GABRB1: variants seen among roughly 807,000 people sequenced by gnomAD.
GABRB1 encodes the protein gamma-aminobutyric acid receptor subunit beta-1.
GABRB1 carries 17 observed loss-of-function variants against 51.6 expected under a neutral mutation model. The observed-to-expected ratio is 0.33, with a 90% CI of 0.23 to 0.49. The LOEUF is 0.49. Among genes scored for constraint, GABRB1 ranks in the 20% least tolerant of loss-of-function variants. The probability of loss-of-function intolerance (pLI) is 0.99; values close to 1 mark genes in which losing one functional copy is unlikely to be tolerated. For synonymous variants in GABRB1, 247 were observed against 218.9 expected, an observed-to-expected ratio of 1.13 and a Z score of -1.14; for missense variants, 410 against 600.6, an observed-to-expected ratio of 0.68 and a Z score of 3.32.
At chr4:47,414,632 T>G (rs189925950) in intron 8 of GABRB1, among the ~76,000 whole-genome samples, 13 of 152,318 alleles carry the variant, frequency 8.5e-5, no homozygotes, top group African/African-American at 3.1e-4. Flanking sequence ...AAATATGCAG[T>G]TGTATCCCCA....
At chr4:47,128,402 T>C (rs1716260745) in intron 3 of GABRB1, among the ~76,000 whole-genome samples, 2 of 151,786 alleles carry the variant, frequency 1.3e-5, no homozygotes, top group African/African-American at 4.8e-5. Context: ...ATCCATGAAT[T>C]AGAAAAACCT....
intron 4 of GABRB1, among the ~76,000 whole-genome samples, chr4:47,240,928 T>C (rs147363887): frequency 9.9e-5 from 15 of 152,166 alleles, no homozygotes; most frequent in African/African-American, 3.4e-4. Flanking sequence ...CCAATCCCTA[T>C]ATAATGGAAA....
chr4:47,083,653 C>T (rs918027539), intron 3 of GABRB1, among the ~76,000 whole-genome samples: 5 of 152,252 alleles, frequency 3.3e-5, no homozygotes, highest in Admixed American at 2.0e-4. Flanking sequence ...AAGCATCCAT[C>T]CCCATTCCAA....
chr4:47,235,044 C>G (rs937562053), intron 4 of GABRB1, among the ~76,000 whole-genome samples: 8 of 152,148 alleles, frequency 5.3e-5, no homozygotes, highest in Non-Finnish European at 1.5e-5. Context: ...ATATTTCGGC[C>G]TTTAAAATGC....
At chr4:47,021,151 C>A (rs1724919104) in intron 1 of GABRB1, among the ~76,000 whole-genome samples, 3 of 152,136 alleles carry the variant, frequency 2.0e-5, no homozygotes, top group Admixed American at 2.0e-4. Flanking sequence ...TTTAATTTTT[C>A]TCTCCTATCA....
intron 5 of GABRB1, among the ~76,000 whole-genome samples, chr4:47,327,553 T>C (rs556672564): frequency 6.6e-6 from 1 of 152,282 alleles, no homozygotes; most frequent in South Asian, 2.1e-4. Flanking sequence ...TATGACCAAG[T>C]TTTCAGACAA....
intron 3 of GABRB1, among the ~76,000 whole-genome samples, chr4:47,089,603 T>A (rs1728215860): frequency 6.6e-6 from 1 of 152,132 alleles, no homozygotes; most frequent in Admixed American, 6.6e-5. Flanking sequence ...CTGAAGCACA[T>A]CATATTTTCC....
At chr4:47,302,223 C>T (rs1724287712) in intron 4 of GABRB1, among the ~76,000 whole-genome samples, 1 of 152,000 alleles carries the variant, frequency 6.6e-6, no homozygotes, top group Admixed American at 6.6e-5. Flanking sequence ...ATGTAAAGTG[C>T]TTAGTACCGT....
intron 4 of GABRB1, among the ~76,000 whole-genome samples, chr4:47,238,684 A>C (rs1560291751): frequency 6.6e-6 from 1 of 152,186 alleles, no homozygotes; most frequent in Non-Finnish European, 1.5e-5. Context: ...TGTATGAAAA[A>C]TTTGAAATAT....
intron 4 of GABRB1, among the ~76,000 whole-genome samples, chr4:47,260,182 G>A (rs2109876517): frequency 6.6e-6 from 1 of 152,130 alleles, no homozygotes; most frequent in South Asian, 2.1e-4. Flanking sequence ...TTCCTTGGTA[G>A]ATCTTCCTCC....
chr4:47,349,447 A>G (rs1233873189), intron 5 of GABRB1, among the ~76,000 whole-genome samples: 1 of 152,224 alleles, frequency 6.6e-6, no homozygotes, highest in Non-Finnish European at 1.5e-5. Flanking sequence ...CTGCAATTTC[A>G]GTTACCCAGG....
intron 3 of GABRB1, among the ~76,000 whole-genome samples, chr4:47,156,632 A>G (rs952470916): frequency 6.6e-6 from 1 of 151,694 alleles, no homozygotes; most frequent in African/African-American, 2.4e-5. Context: ...ATTTTCTTAT[A>G]CTATACCTTT....
intron 4 of GABRB1, among the ~76,000 whole-genome samples, chr4:47,271,166 C>G (rs1163044614): frequency 6.6e-6 from 1 of 152,094 alleles, no homozygotes; most frequent in Admixed American, 6.6e-5. Flanking sequence ...TTTATTATCT[C>G]ACAGCCCTGA....
chr4:47,214,767 A>C (rs909639771), intron 4 of GABRB1, among the ~76,000 whole-genome samples: 1 of 152,132 alleles, frequency 6.6e-6, no homozygotes, highest in Non-Finnish European at 1.5e-5. Context: ...TTTTGTTTCT[A>C]AAGCCATAAG....
At chr4:47,244,554 T>C (rs529187324) in intron 4 of GABRB1, among the ~76,000 whole-genome samples, 1 of 152,320 alleles carries the variant, frequency 6.6e-6, no homozygotes, top group East Asian at 1.9e-4. Flanking sequence ...ATTGCCTCAA[T>C]TTCAGAGCCT....
At chr4:47,268,565 T>A (rs1722729945) in intron 4 of GABRB1, among the ~76,000 whole-genome samples, 1 of 152,170 alleles carries the variant, frequency 6.6e-6, no homozygotes, top group Admixed American at 6.6e-5. Context: ...ATTTTACTAT[T>A]CGCTAAGCTC....
intron 3 of GABRB1, among the ~76,000 whole-genome samples, chr4:47,084,462 C>T (rs987871145): frequency 2.0e-5 from 3 of 152,186 alleles, no homozygotes; most frequent in African/African-American, 7.2e-5. Context: ...GCCAAAGCAT[C>T]TTTGGTGCAG....
chr4:47,115,799 T>C (rs191061358), intron 3 of GABRB1, among the ~76,000 whole-genome samples: 1 of 152,302 alleles, frequency 6.6e-6, no homozygotes, highest in Non-Finnish European at 1.5e-5. Context: ...ATTTCTGTGA[T>C]TATTTAAAAA....
At chr4:47,178,544 T>A (rs1718799720) in intron 4 of GABRB1, among the ~76,000 whole-genome samples, 1 of 152,116 alleles carries the variant, frequency 6.6e-6, no homozygotes, top group African/African-American at 2.4e-5. Context: ...GAGGAAACTG[T>A]TATTGCTCAT....
Sources: gnomAD v4.1 joint callset for allele counts (sites outside exome capture counted in the v4.1 genomes callset) on GRCh38, gnomAD v4.1.1 for gene constraint, MANE v1.5 for transcripts, NCBI Gene and HGNC (gene_info 2026-07-23, HGNC 2026-07-21) for gene names.